The following RARB variants were observed in gnomAD, a reference collection of about 807,000 sequenced individuals.
The protein encoded by RARB is retinoic acid receptor beta.
A neutral mutation model predicts 51.9 loss-of-function variants in RARB; 17 were observed. That is an observed-to-expected ratio of 0.33 (90% confidence interval 0.22 to 0.49). The LOEUF (loss-of-function observed/expected upper bound fraction) is 0.49. RARB is among the 20% of genes least tolerant of loss of function. RARB has a pLI of 0.99. For missense variants in RARB, 369 were observed against 550.8 expected, an observed-to-expected ratio of 0.67 and a Z score of 3.30; for synonymous variants, 215 against 195.4, an observed-to-expected ratio of 1.10 and a Z score of -0.84.
intron 5 of RARB, among the ~76,000 whole-genome samples, chr3:25,330,516 A>C (rs112935081): frequency 6.6e-6 from 1 of 152,240 alleles, no homozygotes; most frequent in South Asian, 2.1e-4. Context: ...TGAAGGAAGC[A>C]CTAAACATGG....
chr3:24,969,040 G>A (rs139975086), intron 2 of RARB, among the ~76,000 whole-genome samples: 1 of 151,998 alleles, frequency 6.6e-6, no homozygotes, highest in East Asian at 1.9e-4. Flanking sequence ...CTAGGCACAG[G>A]ATAGAAAAAT....
chr3:25,231,694 G>T (rs1702181140), intron 5 of RARB, among the ~76,000 whole-genome samples: 1 of 152,024 alleles, frequency 6.6e-6, no homozygotes, highest in South Asian at 2.1e-4. Flanking sequence ...ATTGAGCATG[G>T]TTTCATGTGT....
chr3:25,183,298 A>G (rs886618844), intron 5 of RARB, among the ~76,000 whole-genome samples: 3 of 152,088 alleles, frequency 2.0e-5, no homozygotes, highest in South Asian at 2.1e-4. Context: ...TGCATAGCCA[A>G]TCTGTCTTTA....
chr3:25,455,091 C>A (rs189239335), intron 1 of RARB, among the ~76,000 whole-genome samples: 2 of 152,292 alleles, frequency 1.3e-5, no homozygotes, highest in East Asian at 3.9e-4. Flanking sequence ...TTTTAGAGGA[C>A]TGTTTCTCAA....
rs567815277 is a variant in RARB, at chr3:25,517,898, C to T, written c.448+16575C>T. Among the ~76,000 whole-genome samples the T allele has an allele frequency of 3.3e-5, 5 of 152,212 alleles. No homozygotes were observed. In the East Asian group the frequency reaches 5.8e-4, roughly 18 times the overall value. On this transcript the variant is annotated intron_variant, in intron 3 of 7. Coordinates refer to ENST00000330688, the MANE Select transcript of RARB (RefSeq NM_000965.5). ...AGTGAAAGAAGCCAGACACAAAAGG[C>T]CCCATATTCTATGAGATCATCCATA... is the stretch of plus-strand genomic sequence containing the variant.
At chr3:25,529,307 A>C (rs1698794613) in intron 3 of RARB, among the ~76,000 whole-genome samples, 1 of 152,162 alleles carries the variant, frequency 6.6e-6, no homozygotes, top group Non-Finnish European at 1.5e-5. Context: ...TCCTAGCAAC[A>C]CTATTCAAAT....
chr3:24,841,363 T>C (rs1311662459), intron 1 of RARB, among the ~76,000 whole-genome samples: 1 of 152,194 alleles, frequency 6.6e-6, no homozygotes, highest in Non-Finnish European at 1.5e-5. Flanking sequence ...CCCATGACCA[T>C]GTGCTTGTAA....
At chr3:25,203,429 A>T (rs1701448621) in intron 5 of RARB, among the ~76,000 whole-genome samples, 1 of 152,196 alleles carries the variant, frequency 6.6e-6, no homozygotes, top group African/African-American at 2.4e-5. Context: ...TAGCCCATTT[A>T]CATTTAAGGT....
chr3:25,470,062 A>G (rs78380409), intron 2 of RARB, among the ~76,000 whole-genome samples: 2,990 of 152,260 alleles, frequency 0.02, 64 homozygotes, highest in South Asian at 0.099. Flanking sequence ...GCGTGCCATC[A>G]TTTCAGCAAT....
chr3:24,990,375 G>A (rs1475259149), intron 2 of RARB, among the ~76,000 whole-genome samples: 2 of 59,248 alleles, frequency 3.4e-5, no homozygotes, highest in Non-Finnish European at 5.6e-5. Flanking sequence ...CCCTTCCTGT[G>A]TCCATGTGTT....
intron 5 of RARB, among the ~76,000 whole-genome samples, chr3:25,181,197 A>T (rs1246187897): frequency 6.6e-6 from 1 of 152,200 alleles, no homozygotes; most frequent in Non-Finnish European, 1.5e-5. Flanking sequence ...ACTGAAAACC[A>T]TTTAGATCTA....
chr3:25,371,742 C>T (rs1008207467), intron 5 of RARB, among the ~76,000 whole-genome samples: 5 of 152,222 alleles, frequency 3.3e-5, no homozygotes, highest in African/African-American at 4.8e-5. Context: ...GAAGTTTATT[C>T]ATTCAAAAAA....
At chr3:25,217,836 T>C (rs909438874) in intron 5 of RARB, among the ~76,000 whole-genome samples, 1 of 152,160 alleles carries the variant, frequency 6.6e-6, no homozygotes, top group African/African-American at 2.4e-5. Flanking sequence ...TCTGGGGATA[T>C]GCACCAAACC....
intron 2 of RARB, among the ~76,000 whole-genome samples, chr3:24,951,435 A>AG (rs1434792310): frequency 6.6e-6 from 1 of 152,192 alleles, no homozygotes; most frequent in Non-Finnish European, 1.5e-5. Flanking sequence ...GACACTCCAG[A>AG]GGAAGAGTGT....
intron 5 of RARB, among the ~76,000 whole-genome samples, chr3:25,191,659 A>G (rs968683825): frequency 6.6e-6 from 1 of 152,152 alleles, no homozygotes; most frequent in Non-Finnish European, 1.5e-5. Context: ...AGTAACTTGC[A>G]TTGGGGGAAG....
intron 2 of RARB, among the ~76,000 whole-genome samples, chr3:24,985,586 A>T (rs1018720885): frequency 1.3e-5 from 2 of 152,106 alleles, no homozygotes; most frequent in Non-Finnish European, 2.9e-5. Context: ...CATGTCAAGA[A>T]CCCTTTGGTT....
At chr3:25,310,780 A>G (rs777377281) in intron 5 of RARB, among the ~76,000 whole-genome samples, 2 of 152,126 alleles carry the variant, frequency 1.3e-5, no homozygotes, top group Non-Finnish European at 2.9e-5. Context: ...AGCTCCTTGA[A>G]TGTTTTTGGA....
At chr3:25,091,022 C>T (rs1433818266) in intron 3 of RARB, among the ~76,000 whole-genome samples, 1 of 152,138 alleles carries the variant, frequency 6.6e-6, no homozygotes, top group African/African-American at 2.4e-5. Flanking sequence ...GCTTTGCGTG[C>T]AATTATTTAA....
At chr3:25,138,311 T>TA (rs1700061800) in intron 4 of RARB, among the ~76,000 whole-genome samples, 1 of 151,942 alleles carries the variant, frequency 6.6e-6, no homozygotes, top group African/African-American at 2.4e-5. Context: ...TGATACAACC[T>TA]TTTGAAAGCA....
Sources: allele counts gnomAD v4.1 joint callset (sites outside exome capture counted in the v4.1 genomes callset), GRCh38; gene constraint gnomAD v4.1.1; transcripts MANE v1.5; gene names NCBI Gene and HGNC (gene_info 2026-07-23, HGNC 2026-07-21).